Variants in OSBPL6 observed in about 807,000 individuals in gnomAD.
OSBPL6 encodes the protein oxysterol-binding protein-related protein 6.
Under a neutral mutation model 125.8 loss-of-function variants are expected in OSBPL6, and 49 were observed. That is an observed-to-expected ratio of 0.39 (90% CI 0.31 to 0.49). The LOEUF is 0.49. Among genes scored for constraint, OSBPL6 ranks in the 20% least tolerant of loss-of-function variants. The pLI, the probability that OSBPL6 is intolerant of heterozygous loss-of-function variation, is 0.88. For synonymous variants in OSBPL6, 394 were observed against 391.8 expected (o/e 1.01, Z -0.07); for missense variants, 986 against 1,135.4 (o/e 0.87, Z 1.89).
In OSBPL6 at chr2:178,263,988, T is replaced by C. The variant is rs144975122; in HGVS notation, c.-350-20939T>C. ...AGCCCACATTTACAACAGAGAGGAC[T>C]GTGGCATGTTAACATGAAGCTCAGG... On this transcript the variant is annotated intron_variant, in intron 1 of 24. Coordinates refer to ENST00000190611, the MANE Select transcript of OSBPL6 (RefSeq NM_032523.4). Among the ~76,000 whole-genome samples the C allele has an allele frequency of 1.9e-3, 294 of 152,282 alleles. 2 individuals are homozygous for C. Among genetic ancestry groups the C allele is most frequent in the Middle Eastern group, 0.01 (3 of 294 alleles).
At chr2:178,269,576 T>C (rs145270099) in intron 1 of OSBPL6, among the ~76,000 whole-genome samples, 2 of 152,162 alleles carry the variant, frequency 1.3e-5, no homozygotes, top group South Asian at 2.1e-4. Flanking sequence ...TCATTTAAAA[T>C]GTATAAAGAC....
chr2:178,228,546 T>TA (rs1463559412), intron 1 of OSBPL6, among the ~76,000 whole-genome samples: 1 of 151,808 alleles, frequency 6.6e-6, no homozygotes, highest in Non-Finnish European at 1.5e-5. Flanking sequence ...AAAAACAAAA[T>TA]AAAAAAATTA....
At chr2:178,302,887 A>G (rs1686423730) in intron 2 of OSBPL6, among the ~76,000 whole-genome samples, 1 of 152,230 alleles carries the variant, frequency 6.6e-6, no homozygotes, top group South Asian at 2.1e-4. Context: ...AATGGATTTC[A>G]GTTTAATGAG....
At chr2:178,288,435 T>C (rs1215828411) in intron 2 of OSBPL6, among the ~76,000 whole-genome samples, 1 of 152,150 alleles carries the variant, frequency 6.6e-6, no homozygotes, top group Non-Finnish European at 1.5e-5. Flanking sequence ...GTGCATTCAT[T>C]GTCCATCACA....
At position 178,346,315 on chromosome 2, in the gene OSBPL6, AC is replaced by A. The variant is rs1321228570; in HGVS notation, c.988-2908del. ...CCTGTACACATAGTGCAGAACAGCA[AC>A]AGCAGGAGACTTTTCCCACTGGCTC... On this transcript the variant is annotated intron_variant, in intron 11 of 24. Transcript: ENST00000190611. Among the ~76,000 whole-genome samples the A allele has an allele frequency of 2.0e-5, 3 of 152,324 alleles. No homozygotes were observed. In the South Asian group the frequency reaches 6.2e-4, roughly 32 times the overall value.
intron 4 of OSBPL6, 45 bp downstream of exon 4, chr2:178,324,314 C>A: frequency 7.3e-7 from 1 of 1,375,130 alleles, no homozygotes; most frequent in South Asian, 1.3e-5. Context: ...ATGATGCCTG[C>A]TCTGGGGCCA....
intron 8 of OSBPL6, among the ~76,000 whole-genome samples, chr2:178,334,010 C>A (rs1004383868): frequency 1.3e-5 from 2 of 152,146 alleles, no homozygotes; most frequent in Non-Finnish European, 2.9e-5. Flanking sequence ...CCATTTTTAC[C>A]AGGTGCCAGA....
At chr2:178,196,152 G>A (rs764723179) in intron 1 of OSBPL6, among the ~76,000 whole-genome samples, 1 of 152,182 alleles carries the variant, frequency 6.6e-6, no homozygotes, top group Non-Finnish European at 1.5e-5. Context: ...GTAACTCTGA[G>A]AGTTAGCAGG....
intron 1 of OSBPL6, among the ~76,000 whole-genome samples, chr2:178,279,398 A>G (rs1277738730): frequency 6.6e-6 from 1 of 152,232 alleles, no homozygotes; most frequent in Non-Finnish European, 1.5e-5. Flanking sequence ...AGCCATTCAG[A>G]AGGAACCATT....
At chr2:178,391,290 T>C (rs1482288931) in intron 22 of OSBPL6, 73 bp downstream of exon 22, 1 of 1,435,300 alleles carries the variant, frequency 7.0e-7, no homozygotes, top group South Asian at 1.6e-5. Flanking sequence ...CATCAGGTCA[T>C]CTTATGCAAC....
chr2:178,345,605 G>A (rs1230728109), intron 11 of OSBPL6, among the ~76,000 whole-genome samples: 2 of 152,196 alleles, frequency 1.3e-5, no homozygotes, highest in African/African-American at 4.8e-5. Context: ...TGACACTGAT[G>A]TGGTAACAGA....
chr2:178,252,480 A>G (rs949681804), intron 1 of OSBPL6, among the ~76,000 whole-genome samples: 10 of 151,742 alleles, frequency 6.6e-5, no homozygotes, highest in South Asian at 2.1e-4. Context: ...CATAATTAGC[A>G]TAATTGCCCA....
intron 1 of OSBPL6, among the ~76,000 whole-genome samples, chr2:178,196,767 A>G (rs1199255485): frequency 6.6e-6 from 1 of 152,228 alleles, no homozygotes; most frequent in African/African-American, 2.4e-5. Flanking sequence ...GGTAAGGCAT[A>G]CATTCTCAAA....
rs549412467 is a variant in OSBPL6, at chr2:178,231,142, C to T, written c.-351+36468C>T. Among the ~76,000 whole-genome samples the T allele has an allele frequency of 6.6e-5, 10 of 152,206 alleles. No homozygotes were observed. In the South Asian group the frequency reaches 2.1e-3, roughly 32 times the overall value. ...GTCCAAAAATGGGAAAAAGGCTGGC[C>T]TGTGGTGGACCTCAGCAGGTTTCAT... On this transcript the variant is annotated intron_variant, in intron 1 of 24. Transcript: ENST00000190611.
At chr2:178,338,419 A>G (rs2154081223) in intron 9 of OSBPL6, among the ~76,000 whole-genome samples, 1 of 152,344 alleles carries the variant, frequency 6.6e-6, no homozygotes, top group South Asian at 2.1e-4. Context: ...TGTCCAGGTG[A>G]TGATGATATT....
intron 2 of OSBPL6, among the ~76,000 whole-genome samples, chr2:178,285,953 C>G (rs1401484500): frequency 6.6e-6 from 1 of 152,178 alleles, no homozygotes; most frequent in African/African-American, 2.4e-5. Flanking sequence ...CCGCCCTTTC[C>G]TAGCGTGGAC....
chr2:178,388,398 A>G (rs1695125284), intron 20 of OSBPL6, among the ~76,000 whole-genome samples: 1 of 152,122 alleles, frequency 6.6e-6, no homozygotes, highest in African/African-American at 2.4e-5. Flanking sequence ...CATTGCCTGC[A>G]GGGTAAATCT....
chr2:178,216,326 G>A (rs745626178), intron 1 of OSBPL6, among the ~76,000 whole-genome samples: 5 of 152,034 alleles, frequency 3.3e-5, no homozygotes, highest in Non-Finnish European at 5.9e-5. Context: ...ATACCCCTTG[G>A]TACATGAAAT....
chr2:178,295,028 T>A (rs970544883), intron 2 of OSBPL6, among the ~76,000 whole-genome samples: 2 of 151,922 alleles, frequency 1.3e-5, no homozygotes, highest in African/African-American at 4.8e-5. Context: ...TCTCATGGGG[T>A]TTTTAATGAA....
Sources: gnomAD v4.1 joint callset for allele counts (sites outside exome capture counted in the v4.1 genomes callset) on GRCh38, gnomAD v4.1.1 for gene constraint, MANE v1.5 for transcripts, NCBI Gene and HGNC (gene_info 2026-07-23, HGNC 2026-07-21) for gene names.